The following MYO3A variants were observed in gnomAD, a reference collection of about 807,000 sequenced individuals.
The protein encoded by MYO3A is myosin IIIA.
MYO3A carries 180 observed loss-of-function variants against 192.7 expected under a neutral mutation model. The observed-to-expected ratio is 0.93, with a 90% CI of 0.83 to 1.06. MYO3A has a LOEUF of 1.06. Ranked by LOEUF, MYO3A falls within the 50% of genes least tolerant of loss-of-function variation. The pLI, the probability that MYO3A is intolerant of heterozygous loss-of-function variation, is 0.00. For synonymous variants in MYO3A, 628 were observed against 645.3 expected (o/e 0.97, Z 0.41); for missense variants, 1,896 against 1,905.0 (o/e 1.00, Z 0.09).
chr10:26,028,259 A>G (rs182669586), intron 10 of MYO3A, among the ~76,000 whole-genome samples: 75 of 152,368 alleles, frequency 4.9e-4, no homozygotes, highest in African/African-American at 1.8e-3. Context: ...AAGGCTGCAC[A>G]GGAAATAAAT....
At chr10:25,939,175 TA>T in intron 2 of MYO3A, among the ~76,000 whole-genome samples, 1 of 152,178 alleles carries the variant, frequency 6.6e-6, no homozygotes, top group East Asian at 1.9e-4. Context: ...AATATAAAAT[TA>T]TCTTTTTAGT....
At position 26,016,899 on chromosome 10, in the gene MYO3A, C is replaced by T. The variant is rs200381660; in HGVS notation, c.585+3C>T. 1.9e-4 allele frequency: 302 copies of T among 1,613,880 alleles called. No individual in the cohort carries two copies. Among genetic ancestry groups the T allele is most frequent in the Non-Finnish European group, 2.5e-4 (291 of 1,179,776 alleles). ...CACCGTTTTGGATGGCTCCTGAGGTCAGATAGAGTTTTGAGGCAGACAAAC... is the reference window on the plus strand; with the variant it reads ...CACCGTTTTGGATGGCTCCTGAGGTTAGATAGAGTTTTGAGGCAGACAAAC... On this transcript the variant is annotated splice_donor_region_variant and intron_variant, in intron 7 of 34. Transcript: ENST00000642920.
intron 28 of MYO3A, 82 bp from the exon 29 acceptor site, chr10:26,170,334 C>T: frequency 6.7e-7 from 1 of 1,486,248 alleles, no homozygotes; most frequent in Non-Finnish European, 9.2e-7. Context: ...CATCAATGGT[C>T]AAAGCCACCA....
At chr10:26,062,660 T>C (rs1834582297) in intron 10 of MYO3A, among the ~76,000 whole-genome samples, 1 of 152,142 alleles carries the variant, frequency 6.6e-6, no homozygotes, top group African/African-American at 2.4e-5. Context: ...TTGGTTTTAT[T>C]TTCTTAACAA....
chr10:26,081,671 T>TGG (rs1835967751), intron 14 of MYO3A, among the ~76,000 whole-genome samples: 1 of 152,174 alleles, frequency 6.6e-6, no homozygotes, highest in African/African-American at 2.4e-5. Flanking sequence ...CACCCTACCA[T>TGG]TGGATCCCTG....
rs539415809 is a variant in MYO3A at position 25,998,593 on chromosome 10, G to T, written c.508+1335G>T. Among the ~76,000 whole-genome samples the T allele has an allele frequency of 2.6e-5, 4 of 152,112 alleles. No homozygotes were observed. The South Asian group carries it at 6.2e-4, about 24-fold the overall frequency. ...CAAATCATTCTTCACTGCTTCATAG[G>T]AGGGGCCATTATTCTCTCCAGAAAA... On this transcript the variant is annotated intron_variant, in intron 6 of 34. Coordinates refer to ENST00000642920, the MANE Select transcript of MYO3A (RefSeq NM_017433.5).
intron 17 of MYO3A, among the ~76,000 whole-genome samples, chr10:26,105,082 GT>G (rs1837717022): frequency 6.6e-6 from 1 of 152,056 alleles, no homozygotes; most frequent in Admixed American, 6.5e-5. Flanking sequence ...GTTCCACAGT[GT>G]GTACTACCAT....
chr10:26,199,458 TG>T (rs1434263468), intron 32 of MYO3A, among the ~76,000 whole-genome samples: 1 of 151,704 alleles, frequency 6.6e-6, no homozygotes, highest in African/African-American at 2.4e-5. Context: ...ATGGCTAAGG[TG>T]GGAGGATCAC....
intron 8 of MYO3A, chr10:26,022,098 A>G (rs956988798): frequency 2.0e-5 from 3 of 153,288 alleles, no homozygotes; most frequent in Non-Finnish European, 2.9e-5. Flanking sequence ...TCCAGAAAAT[A>G]ATGGTTTTAA....
At chr10:25,950,647 G>GA (rs1837153222) in intron 2 of MYO3A, among the ~76,000 whole-genome samples, 1 of 152,182 alleles carries the variant, frequency 6.6e-6, no homozygotes, top group Non-Finnish European at 1.5e-5. Flanking sequence ...GGAGGAACAA[G>GA]AGTGTTTAGG....
chr10:26,081,133 T>TCCCCCCCCTTCCCCCCCCCCCCCC (rs1835906244), intron 14 of MYO3A, among the ~76,000 whole-genome samples: 1 of 84,940 alleles, frequency 1.2e-5, no homozygotes, highest in African/African-American at 4.2e-5. Flanking sequence ...TATATGCCCT[T>TCCCCCCCCTTCCCCCCCCCCCCCC]CCCCCCCCCC....
intron 10 of MYO3A, among the ~76,000 whole-genome samples, chr10:26,028,884 T>G (rs1425067982): frequency 2.6e-5 from 4 of 152,272 alleles, no homozygotes; most frequent in Middle Eastern, 3.4e-3. Context: ...AATCCTGAAC[T>G]TGGGAAACTC....
intron 10 of MYO3A, among the ~76,000 whole-genome samples, chr10:26,048,555 ATG>A (rs71508762): frequency 0.16 from 24,628 of 150,648 alleles, 2,285 homozygotes; most frequent in Non-Finnish European, 0.21. Context: ...ATATATACAT[ATG>A]TGTGTGTGTG....
intron 4 of MYO3A, among the ~76,000 whole-genome samples, chr10:25,994,029 C>G (rs541979910): frequency 7.6e-4 from 116 of 152,094 alleles, no homozygotes; most frequent in Non-Finnish European, 1.2e-3. Flanking sequence ...TCTATTAGGT[C>G]CTCTTGGTGC....
intron 31 of MYO3A, among the ~76,000 whole-genome samples, chr10:26,192,459 G>A (rs897879512): frequency 1.3e-5 from 2 of 152,140 alleles, no homozygotes. Flanking sequence ...GTCACTGCGT[G>A]AGGCTGGTAC....
chr10:26,048,251 C>T (rs72795820), intron 10 of MYO3A, among the ~76,000 whole-genome samples: 24,673 of 151,862 alleles, frequency 0.16, 2,272 homozygotes, highest in Non-Finnish European at 0.21. Context: ...CCATTTACTT[C>T]TCTAATCTCT....
At chr10:26,109,810 C>T (rs1349147573) in intron 17 of MYO3A, among the ~76,000 whole-genome samples, 2 of 152,194 alleles carry the variant, frequency 1.3e-5, no homozygotes, top group Non-Finnish European at 2.9e-5. Context: ...TCTGAATAAA[C>T]ATTGCTACTC....
At chr10:26,035,203 T>C (rs1289931891) in intron 10 of MYO3A, among the ~76,000 whole-genome samples, 20 of 152,158 alleles carry the variant, frequency 1.3e-4, no homozygotes, top group Admixed American at 1.3e-3. Flanking sequence ...CTTTCCTGTC[T>C]TAAATATTTC....
intron 4 of MYO3A, among the ~76,000 whole-genome samples, chr10:25,986,470 C>T (rs951227461): frequency 6.6e-6 from 1 of 152,090 alleles, no homozygotes; most frequent in Admixed American, 6.5e-5. Context: ...AAGACTCATC[C>T]GAAAAGCTCC....
Sources: gnomAD v4.1 joint callset for allele counts (sites outside exome capture counted in the v4.1 genomes callset) on GRCh38, gnomAD v4.1.1 for gene constraint, MANE v1.5 for transcripts, NCBI Gene and HGNC (gene_info 2026-07-23, HGNC 2026-07-21) for gene names.